CKAP5: variants seen among roughly 807,000 people sequenced by gnomAD.
The protein encoded by CKAP5 is cytoskeleton associated protein 5, also known as cytoskeleton-associated protein 5.
A neutral mutation model predicts 232.8 loss-of-function variants in CKAP5; 27 were observed. The ratio of observed to expected loss-of-function variants is 0.12; its 90% confidence interval spans 0.09 to 0.16. CKAP5 has a LOEUF of 0.16. CKAP5 is among the 10% of genes least tolerant of loss of function. The pLI is 1.00. For missense variants in CKAP5, 1,838 were observed against 2,424.7 expected (o/e 0.76, Z 5.08); for synonymous variants, 785 against 841.1 (o/e 0.93, Z 1.16).
chr11:46,801,561 T>C (rs914621779), intron 8 of CKAP5, among the ~76,000 whole-genome samples: 1 of 151,882 alleles, frequency 6.6e-6, no homozygotes, highest in Non-Finnish European at 1.5e-5. Flanking sequence ...TCCCAGCTAT[T>C]TGGAAGGCTG....
chr11:46,824,404 C>G (rs1939607691), intron 1 of CKAP5, among the ~76,000 whole-genome samples: 1 of 152,144 alleles, frequency 6.6e-6, no homozygotes, highest in African/African-American at 2.4e-5. Context: ...CATGCCCTAC[C>G]ACCCAGCAAC....
At chr11:46,783,225 G>T (rs746617210) in intron 18 of CKAP5, 49 bp downstream of exon 18, 1 of 1,066,286 alleles carries the variant, frequency 9.4e-7, no homozygotes, top group Non-Finnish European at 1.4e-6. Flanking sequence ...ACGACTTAGA[G>T]ACTGACAGAA....
At chr11:46,781,546 C>T (rs2065342072) in intron 18 of CKAP5, among the ~76,000 whole-genome samples, 1 of 152,160 alleles carries the variant, frequency 6.6e-6, no homozygotes, top group Non-Finnish European at 1.5e-5. Context: ...CACTCATTGT[C>T]CTACAGCTAC....
chr11:46,787,658 G>A (rs2065407682), intron 16 of CKAP5, among the ~76,000 whole-genome samples: 2 of 152,090 alleles, frequency 1.3e-5, no homozygotes, highest in Admixed American at 1.3e-4. Flanking sequence ...CCTTGAATAT[G>A]TAAAGATTGG....
At chr11:46,795,239 G>A (rs1938841011) in intron 13 of CKAP5, among the ~76,000 whole-genome samples, 1 of 151,676 alleles carries the variant, frequency 6.6e-6, no homozygotes. Flanking sequence ...AAGGCAGGAG[G>A]ATCACTTGAA....
chr11:46,827,266 C>T (rs187960356), intron 1 of CKAP5, among the ~76,000 whole-genome samples: 1 of 152,294 alleles, frequency 6.6e-6, no homozygotes, highest in Admixed American at 6.5e-5. Context: ...TCATTAACCT[C>T]CTTTGGACTC....
chr11:46,807,987 C>G, intron 8 of CKAP5, 44 bp downstream of exon 8: 1 of 1,378,958 alleles, frequency 7.3e-7, no homozygotes, highest in South Asian at 1.2e-5. Context: ...ATTCAAAGGC[C>G]TGATGGCTGT....
chr11:46,790,490 TTTC>T lies in CKAP5; in HGVS notation c.1741_1743del (p.Glu581del), dbSNP rs752131515. The stretch of plus-strand genomic sequence containing the variant: ...CTGACCGAGAGCTCAGGCTCCACTA[TTTC>T]TTTAGTCTCCAGTCCTTTCTTGTTC... On this transcript the variant is annotated inframe_deletion, in exon 14 of 44. Coordinates refer to ENST00000529230, the MANE Select transcript of CKAP5 (RefSeq NM_001008938.4). 1 of 1,613,320 alleles carries T rather than the reference TTTC, an allele frequency of 6.2e-7. No homozygotes were observed. The highest frequency in any genetic ancestry group is 8.5e-7 in the Non-Finnish European group (1 of 1,179,272).
chr11:46,773,406 G>A (rs1421848070), intron 24 of CKAP5, among the ~76,000 whole-genome samples: 1 of 151,486 alleles, frequency 6.6e-6, no homozygotes. Context: ...CCACCACCAT[G>A]CCCAGCTAAT....
rs759629998 is a variant in CKAP5, at chr11:46,795,557, T to C, written c.1650+37A>G. On this transcript the variant is annotated intron_variant, in intron 13 of 43. Transcript: ENST00000529230. The stretch of plus-strand genomic sequence containing the variant: ...AACCACGAACCTGAGACTCAGACCC[T>C]TCCTTACTAACTTCTATTTTTAAAT... The C allele has an allele frequency of 6.4e-6, 10 of 1,561,576 alleles. No homozygotes were observed. In the South Asian group the frequency reaches 1.1e-4, roughly 16 times the overall value.
At position 46,743,983 on chromosome 11, in the gene CKAP5, GT is replaced by G. The variant is rs759624716; in HGVS notation, c.*39del. ...TTAAACTATGAGGACTTCTAGTTTA[GT>G]AAACTAAAGCTGCAGGGTGCCGGGG... is the stretch of plus-strand genomic sequence containing the variant. On this transcript the variant is annotated 3_prime_UTR_variant, in exon 44 of 44. Transcript: ENST00000529230. The G allele has an allele frequency of 6.2e-7, 1 of 1,611,266 alleles. No homozygotes were observed. The highest frequency in any genetic ancestry group is 2.2e-5 in the East Asian group (1 of 44,886).
intron 1 of CKAP5, among the ~76,000 whole-genome samples, chr11:46,830,333 C>G (rs974326792): frequency 1.4e-5 from 2 of 146,318 alleles, no homozygotes; most frequent in Admixed American, 7.1e-5. Context: ...CCCAGCTACT[C>G]GGGAGGCTGA....
At position 46,778,484 on chromosome 11, in the gene CKAP5, T is replaced by C. The variant is rs1352611957; in HGVS notation, c.2549A>G (p.Asp850Gly). ...CCTGATCTCCGTCCTCGGCAAAAGATCAACGACATCATTGCTCCCGTCATC... is the reference window on the plus strand; with the variant it reads ...CCTGATCTCCGTCCTCGGCAAAAGACCAACGACATCATTGCTCCCGTCATC... ...EPDDGSNDVV[D>G]LLPRTEISDK... Residue 850 changes from aspartate to glycine, a missense_variant, in exon 21 of 44, where the codon GAT becomes GGT. Physicochemically the swap from Asp to Gly is moderately conservative, Grantham distance 94. Around this residue, in one of 6 missense-constraint regions of CKAP5, gnomAD observed 767 missense variants for 954.6 expected, o/e 0.80. Transcript: ENST00000529230. The C allele has an allele frequency of 1.9e-6, 3 of 1,614,158 alleles. No homozygotes were observed. Among genetic ancestry groups the C allele is most frequent in the Admixed American group, 1.7e-5 (1 of 59,978 alleles).
intron 1 of CKAP5, among the ~76,000 whole-genome samples, chr11:46,827,798 G>T (rs1014172072): frequency 2.0e-5 from 3 of 152,134 alleles, no homozygotes; most frequent in African/African-American, 7.2e-5. Flanking sequence ...TAAGAAAATT[G>T]TAGTAGAAAC....
At chr11:46,842,557 T>C (rs184400460) in intron 1 of CKAP5, among the ~76,000 whole-genome samples, 388 of 152,312 alleles carry the variant, frequency 2.5e-3, no homozygotes, top group Non-Finnish European at 4.5e-3. Flanking sequence ...AAATGTGCTG[T>C]CTCAGTTTCC....
intron 1 of CKAP5, among the ~76,000 whole-genome samples, chr11:46,835,476 C>G (rs568243635): frequency 1.4e-5 from 2 of 147,514 alleles, no homozygotes; most frequent in Non-Finnish European, 3.0e-5. Context: ...AGAAAGTGTT[C>G]AAAAAGAAAA....
At chr11:46,796,522 T>A (rs1377971117) in intron 12 of CKAP5, among the ~76,000 whole-genome samples, 1 of 152,200 alleles carries the variant, frequency 6.6e-6, no homozygotes, top group Non-Finnish European at 1.5e-5. Flanking sequence ...AAGCTAAGTT[T>A]TCAAACTCGG....
chr11:46,751,847 A>T (rs893138850), intron 38 of CKAP5, among the ~76,000 whole-genome samples: 3 of 152,118 alleles, frequency 2.0e-5, no homozygotes, highest in Non-Finnish European at 2.9e-5. Flanking sequence ...AGAGTAAAGT[A>T]GTTCATGTTG....
intron 33 of CKAP5, 191 bp downstream of exon 33, chr11:46,760,421 G>T (rs2065144494): frequency 1.4e-6 from 1 of 690,346 alleles, no homozygotes; most frequent in Non-Finnish European, 2.6e-6. Flanking sequence ...CCATTTAGAA[G>T]TGGTTTTGAG....
Sources: allele counts gnomAD v4.1 joint callset (sites outside exome capture counted in the v4.1 genomes callset), GRCh38; gene constraint gnomAD v4.1.1; regional missense constraint gnomAD v4.1.1; transcripts MANE v1.5; gene names NCBI Gene and HGNC (gene_info 2026-07-23, HGNC 2026-07-21).